Variants in CDCA7L observed in about 807,000 individuals in gnomAD.
CDCA7L encodes cell division cycle-associated 7-like protein.
In CDCA7L, 44 loss-of-function variants were observed where a neutral mutation model predicts 57.4. The observed-to-expected ratio is 0.77, with a 90% CI of 0.60 to 0.98. The LOEUF (loss-of-function observed/expected upper bound fraction) is 0.98, where lower values mean the gene tolerates loss of function less well. Ranked by LOEUF, CDCA7L falls within the 50% of genes least tolerant of loss-of-function variation. The pLI is 0.00. For synonymous variants in CDCA7L, 236 were observed against 202.8 expected, an observed-to-expected ratio of 1.16 and a Z score of -1.39; for missense variants, 644 against 580.6, an observed-to-expected ratio of 1.11 and a Z score of -1.12.
chr7:21,903,142 C>A, intron 8 of CDCA7L, 28 bp from the exon 9 acceptor site: 1 of 1,604,556 alleles, frequency 6.2e-7, no homozygotes, highest in Non-Finnish European at 8.5e-7. Context: ...GCAGACACTT[C>A]GCTCATTATC....
At position 21,901,567 on chromosome 7, in the gene CDCA7L, TC is replaced by T; in HGVS notation, c.*754del. ...CTGGGCAACAGAACAAGACTCCATC[TC>T]AAAAAAAAAAAAGTACATCATAAAA... On this transcript the variant is annotated 3_prime_UTR_variant, in exon 10 of 10. Transcript: ENST00000406877. 1 of 197,422 alleles carries T rather than the reference TC, an allele frequency of 5.1e-6. No individual in the cohort carries two copies. The allele number at this position is 197,422 out of a possible 1,614,324, so 12.2% of individuals were successfully genotyped here.
intron 1 of CDCA7L, among the ~76,000 whole-genome samples, chr7:21,920,278 T>G (rs1311105434): frequency 6.6e-6 from 1 of 152,244 alleles, no homozygotes; most frequent in East Asian, 1.9e-4. Context: ...CTTTGACCAC[T>G]GCACTAGCAT....
chr7:21,924,399 G>C (rs970541352), intron 1 of CDCA7L, among the ~76,000 whole-genome samples: 1 of 152,000 alleles, frequency 6.6e-6, no homozygotes. Context: ...AATTTTGATA[G>C]CAATGACAGC....
rs947904387 is a variant in CDCA7L, at chr7:21,935,734, C to T, written c.24+10047G>A. Among the ~76,000 whole-genome samples, 12 of 152,112 alleles carry T rather than the reference C, an allele frequency of 7.9e-5. No individual in the cohort carries two copies. The East Asian group carries it at 1.2e-3, about 15-fold the overall frequency. ...ACATAAATAAAAAGGACTGGCCAGG[C>T]GCTGTGGCTCACGCCTGTAATCCCA... On this transcript the variant is annotated intron_variant, in intron 1 of 9. Coordinates refer to ENST00000406877, the MANE Select transcript of CDCA7L (RefSeq NM_018719.5).
At chr7:21,926,340 C>T (rs1215832582) in intron 1 of CDCA7L, among the ~76,000 whole-genome samples, 1 of 151,946 alleles carries the variant, frequency 6.6e-6, no homozygotes, top group Non-Finnish European at 1.5e-5. Flanking sequence ...CAAAGGACAG[C>T]AAGAAAGTGA....
chr7:21,919,886 T>A (rs901777862), intron 1 of CDCA7L, among the ~76,000 whole-genome samples: 2 of 152,208 alleles, frequency 1.3e-5, no homozygotes, highest in East Asian at 3.8e-4. Context: ...CAGGATCTTT[T>A]CCTTCAGCTA....
chr7:21,906,454 C>T lies in CDCA7L; in HGVS notation c.756G>A (p.Arg252=), dbSNP rs79856287. The T allele has an allele frequency of 6.7e-4, 1,080 of 1,609,470 alleles. 17 individuals are homozygous for T. The East Asian group carries it at 0.024, about 35-fold the overall frequency. The part of the protein sequence containing the change: ...FPVRTPTSAS[R]KKTVRRAFSE... ...AGAAGGCCCGCCTCACTGTCTTCTT[C>T]CTCTGAAATCAAGAGCACAGACAGA... is the stretch of plus-strand genomic sequence containing the variant. Residue 252 remains arginine, a splice_region_variant and synonymous_variant, in exon 6 of 10, where the codon AGG becomes AGA. Transcript: ENST00000406877.
intron 1 of CDCA7L, among the ~76,000 whole-genome samples, chr7:21,924,932 AACAAGC>A (rs544745962): frequency 6.3e-4 from 96 of 152,316 alleles, no homozygotes; most frequent in Admixed American, 1.2e-3. Context: ...TTAAATGGTA[AACAAGC>A]ACAAAAGAGA....
intron 1 of CDCA7L, among the ~76,000 whole-genome samples, chr7:21,936,042 A>G (rs1786152523): frequency 6.6e-6 from 1 of 152,002 alleles, no homozygotes; most frequent in Non-Finnish European, 1.5e-5. Context: ...TAGGATTTTA[A>G]GAGTACTATA....
chr7:21,939,182 C>A (rs1786265926), intron 1 of CDCA7L, among the ~76,000 whole-genome samples: 1 of 151,994 alleles, frequency 6.6e-6, no homozygotes, highest in Non-Finnish European at 1.5e-5. Context: ...ACAGAAGTAA[C>A]CAGGGGCTGG....
At chr7:21,905,416 C>T (rs550259651) in intron 7 of CDCA7L, 90 bp downstream of exon 7, 1 of 1,409,502 alleles carries the variant, frequency 7.1e-7, no homozygotes, top group Admixed American at 1.8e-5. Context: ...GGTGAGATGG[C>T]ATAAGCCCTG....
chr7:21,917,046 G>C (rs1785505003), intron 1 of CDCA7L, 152 bp from the exon 2 acceptor site: 1 of 803,468 alleles, frequency 1.2e-6, no homozygotes, highest in Non-Finnish European at 2.0e-6. Flanking sequence ...ACACTCTTCA[G>C]CTAAGAACTC....
At chr7:21,930,463 G>A (rs7788337) in intron 1 of CDCA7L, among the ~76,000 whole-genome samples, 11,692 of 151,962 alleles carry the variant, frequency 0.077, 1,486 homozygotes, top group African/African-American at 0.26. Flanking sequence ...TTGGGAGGCC[G>A]AGGTGGGCAG....
At chr7:21,912,475 G>A (rs182453094) in intron 2 of CDCA7L, among the ~76,000 whole-genome samples, 48 of 152,322 alleles carry the variant, frequency 3.2e-4, no homozygotes, top group Admixed American at 5.9e-4. Context: ...AACCAGACAC[G>A]TCTGCTTTCA....
Position 21,902,166 on chromosome 7 carries a change from T to TAAGC in CDCA7L, c.*152_*155dup, listed in dbSNP as rs1784915867. ...CTGCTGTCTTCCTGAGAAATCTTTG[T>TAAGC]AAGCATATAAACAATCTTTAACAAA... On this transcript the variant is annotated 3_prime_UTR_variant, in exon 10 of 10. Transcript: ENST00000406877. 1 of 721,628 alleles carries TAAGC rather than the reference T, an allele frequency of 1.4e-6. No homozygotes were observed. Among genetic ancestry groups the TAAGC allele is most frequent in the African/African-American group, 1.8e-5 (1 of 54,678 alleles). 44.7% of individuals were successfully genotyped at this position (721,628 alleles called of 1,614,324 possible).
intron 2 of CDCA7L, 45 bp downstream of exon 2, chr7:21,916,709 C>G (rs1785492815): frequency 1.9e-6 from 3 of 1,587,248 alleles, no homozygotes; most frequent in African/African-American, 1.3e-5. Flanking sequence ...AACCAAGATT[C>G]AGGCCTCCAG....
At chr7:21,936,978 C>T (rs905896266) in intron 1 of CDCA7L, among the ~76,000 whole-genome samples, 2 of 152,098 alleles carry the variant, frequency 1.3e-5, no homozygotes, top group African/African-American at 4.8e-5. Context: ...AAAATCAACA[C>T]AAAAATCAAC....
chr7:21,916,525 A>T lies in CDCA7L; in HGVS notation c.165+229T>A, dbSNP rs978413302. Among the ~76,000 whole-genome samples, 229 of 151,898 alleles carry T rather than the reference A, an allele frequency of 1.5e-3. 1 individual carries two copies. The highest frequency in any genetic ancestry group is 5.3e-3 in the African/African-American group (219 of 41,466). On this transcript the variant is annotated intron_variant, in intron 2 of 9. Transcript: ENST00000406877. ...GAGGTCCCTTTATTTAAAAAAAAAA[A>T]AAAAAAAAAAAAAGAATTATGGTAC...
intron 3 of CDCA7L, among the ~76,000 whole-genome samples, chr7:21,911,003 ATAATTTTTTTTTTTTTTTTTTTTTTTT>A (rs1372249874): frequency 3.7e-5 from 5 of 135,974 alleles, no homozygotes; most frequent in African/African-American, 1.1e-4. Context: ...AACTCTTGAG[ATAATTTTTTTTTTTTTTTTTTTTTTTT>A]TTTTTTTTTT....
Sources: gnomAD v4.1 joint callset for allele counts (sites outside exome capture counted in the v4.1 genomes callset) on GRCh38, gnomAD v4.1.1 for gene constraint, MANE v1.5 for transcripts, NCBI Gene and HGNC (gene_info 2026-07-23, HGNC 2026-07-21) for gene names.